Variants in PFKFB3 observed in about 807,000 individuals in gnomAD.
PFKFB3 encodes 6-phosphofructo-2-kinase/fructose-2,6-bisphosphatase 3.
A neutral mutation model predicts 68.0 loss-of-function variants in PFKFB3; 33 were observed. The observed-to-expected ratio is 0.49, with a 90% CI of 0.37 to 0.65. PFKFB3 has a LOEUF of 0.65. Ranked by LOEUF, PFKFB3 falls within the 30% of genes least tolerant of loss-of-function variation. PFKFB3 has a pLI of 0.00. For missense variants in PFKFB3, 586 were observed against 712.2 expected (o/e 0.82, Z 2.02); for synonymous variants, 315 against 288.2 (o/e 1.09, Z -0.94).
intron 1 of PFKFB3, among the ~76,000 whole-genome samples, chr10:6,187,287 G>A (rs1387009770): frequency 6.6e-6 from 1 of 152,006 alleles, no homozygotes; most frequent in African/African-American, 2.4e-5. Flanking sequence ...CTTGAACCAG[G>A]GAGGTGGGGG....
intron 1 of PFKFB3, among the ~76,000 whole-genome samples, chr10:6,182,429 C>T (rs140904447): frequency 0.01 from 1,563 of 152,248 alleles, 15 homozygotes; most frequent in Non-Finnish European, 0.017. Flanking sequence ...GGGAAGGAAG[C>T]GGTCCTGGTG....
chr10:6,326,579 C>T, the PFKFB3 span: 1 of 455,888 alleles, frequency 2.2e-6, no homozygotes, highest in South Asian at 1.6e-5. Flanking sequence ...TCCACCGTGA[C>T]TCTCCTCCCT....
At position 6,183,881 on chromosome 10, in the gene PFKFB3, G is replaced by A. The variant is rs182877335; in HGVS notation, c.17-29742G>A. Among the ~76,000 whole-genome samples, 1,229 of 151,092 alleles carry A rather than the reference G, an allele frequency of 8.1e-3. 17 individuals are homozygous for A. The highest frequency in any genetic ancestry group is 0.029 in the African/African-American group (1,177 of 41,172). On this transcript the variant is annotated intron_variant, in intron 1 of 14. Transcript: ENST00000379789. The stretch of plus-strand genomic sequence containing the variant: ...TTTTTTTTATATTTTTAGTAGAGAC[G>A]GGGTTTCACCGTGTTAGCCAGGGTG...
At chr10:6,150,797 A>G (rs1841551622) in intron 1 of PFKFB3, among the ~76,000 whole-genome samples, 1 of 152,170 alleles carries the variant, frequency 6.6e-6, no homozygotes. Flanking sequence ...CAGGAGTTTG[A>G]GACCAGCCTG....
the PFKFB3 span, among the ~76,000 whole-genome samples, chr10:6,326,035 C>A: frequency 3.3e-5 from 5 of 152,130 alleles, no homozygotes; most frequent in Non-Finnish European, 7.4e-5. Context: ...ACAAATGGGC[C>A]AATTCACTAG....
chr10:6,236,409 G>A (rs896291478), downstream of PFKFB3, among the ~76,000 whole-genome samples: 1 of 152,224 alleles, frequency 6.6e-6, no homozygotes, highest in African/African-American at 2.4e-5. Context: ...TGCGTGACCA[G>A]CGTCTTGCTT....
intron 1 of PFKFB3, among the ~76,000 whole-genome samples, chr10:6,172,670 A>G (rs1052344792): frequency 2.6e-5 from 4 of 151,908 alleles, no homozygotes; most frequent in African/African-American, 7.3e-5. Flanking sequence ...AAAAATTAAA[A>G]CATTAGCTGG....
intron 14 of PFKFB3, among the ~76,000 whole-genome samples, chr10:6,231,927 C>T (rs1845776110): frequency 6.6e-6 from 1 of 152,184 alleles, no homozygotes; most frequent in African/African-American, 2.4e-5. Context: ...CACCTGGGTT[C>T]CTGAGTCTGG....
At chr10:6,145,482 T>C (rs1841355144) in intron 1 of PFKFB3, among the ~76,000 whole-genome samples, 2 of 152,182 alleles carry the variant, frequency 1.3e-5, no homozygotes, top group South Asian at 4.2e-4. Flanking sequence ...GGGCCGCAGA[T>C]ATACCAGGGC....
At chr10:6,282,817 A>C in the PFKFB3 span, among the ~76,000 whole-genome samples, 3 of 152,246 alleles carry the variant, frequency 2.0e-5, no homozygotes, top group Non-Finnish European at 2.9e-5. Context: ...AGCTGTGTTC[A>C]GTTCAGCGAT....
chr10:6,278,640 A>G, the PFKFB3 span, among the ~76,000 whole-genome samples: 1 of 152,150 alleles, frequency 6.6e-6, no homozygotes, highest in Non-Finnish European at 1.5e-5. Flanking sequence ...GTTTGAGGTT[A>G]TTTGGAATAA....
rs755451933 is a variant in PFKFB3 at position 6,228,234 on chromosome 10, A to C, written c.1515+1869A>C. ...AAGCCTGTCTGTAAGTATCTCTCCG[A>C]TCATCGCTGCTGCTTGCACTGCTTT... On this transcript the variant is annotated intron_variant, in intron 14 of 14. Transcript: ENST00000379775. The surrounding 1 kb of genome is among the most constrained non-coding windows in gnomAD (Gnocchi z 4.5). 2 of 1,612,428 alleles carry C rather than the reference A, an allele frequency of 1.2e-6. No individual in the cohort carries two copies. The highest frequency in any genetic ancestry group is 1.7e-6 in the Non-Finnish European group (2 of 1,179,746).
intron 1 of PFKFB3, among the ~76,000 whole-genome samples, chr10:6,165,020 C>T (rs1209609998): frequency 6.7e-6 from 1 of 148,816 alleles, no homozygotes; most frequent in Non-Finnish European, 1.5e-5. Flanking sequence ...TCTTTCACTA[C>T]TTCTCAGTAC....
intron 1 of PFKFB3, among the ~76,000 whole-genome samples, chr10:6,189,540 A>T (rs1486859544): frequency 7.2e-6 from 1 of 138,428 alleles, no homozygotes; most frequent in Non-Finnish European, 1.5e-5. Flanking sequence ...TTTGGGAGAC[A>T]GTCTCGCTCT....
chr10:6,215,438 C>T lies in PFKFB3; in HGVS notation c.299+121C>T, dbSNP rs1844509716. 2.7e-6 allele frequency: 2 copies of T among 749,462 alleles called. No individual in the cohort carries two copies. Among genetic ancestry groups the T allele is most frequent in the East Asian group, 5.4e-5 (2 of 36,806 alleles). The allele number at this position is 749,462 out of a possible 1,614,324, so 46.4% of individuals were successfully genotyped here. On this transcript the variant is annotated intron_variant, in intron 3 of 14. Transcript: ENST00000379775. This position sits in a 1 kb window ranked among gnomAD's most constrained non-coding sequence, Gnocchi z 4.3. ...GTAGGGCTGGGCTGTGGGAATAAGGCTGGGCTGCGGGGCTGCGGGTGTAAG... is the reference window on the plus strand; with the variant it reads ...GTAGGGCTGGGCTGTGGGAATAAGGTTGGGCTGCGGGGCTGCGGGTGTAAG...
At chr10:6,219,055 G>C (rs1046280119) in intron 6 of PFKFB3, among the ~76,000 whole-genome samples, 1 of 152,250 alleles carries the variant, frequency 6.6e-6, no homozygotes, top group Non-Finnish European at 1.5e-5. Context: ...AGCCGGCACA[G>C]CCCTAGTTGG....
intron 6 of PFKFB3, 59 bp downstream of exon 6, chr10:6,217,250 G>A (rs1844646330): frequency 6.9e-7 from 1 of 1,443,566 alleles, no homozygotes; most frequent in South Asian, 1.1e-5. Context: ...GGCATTTGCA[G>A]TCTGAGGAAG....
intron 1 of PFKFB3, among the ~76,000 whole-genome samples, chr10:6,185,051 C>T (rs924511717): frequency 8.5e-5 from 13 of 152,146 alleles, no homozygotes; most frequent in East Asian, 1.9e-4. Context: ...TATTGAAACC[C>T]GACACAAAAA....
chr10:6,185,471 G>A (rs887815788), intron 1 of PFKFB3, among the ~76,000 whole-genome samples: 3 of 152,152 alleles, frequency 2.0e-5, no homozygotes, highest in African/African-American at 4.8e-5. Context: ...CTGCGGGGGC[G>A]AGGAGACGGC....
Sources: allele counts gnomAD v4.1 joint callset (sites outside exome capture counted in the v4.1 genomes callset), GRCh38; gene constraint gnomAD v4.1.1; non-coding constraint Gnocchi (gnomAD v3.1); transcripts MANE v1.5; gene names NCBI Gene and HGNC (gene_info 2026-07-23, HGNC 2026-07-21).